ABHD16A: variants seen among roughly 807,000 people sequenced by gnomAD.
ABHD16A encodes the protein abhydrolase domain containing 16A, phospholipase, also known as phosphatidylserine lipase ABHD16A.
ABHD16A carries 47 observed loss-of-function variants against 89.8 expected under a neutral mutation model. The observed-to-expected ratio is 0.52, with a 90% CI of 0.41 to 0.67. The LOEUF (loss-of-function observed/expected upper bound fraction) is 0.67, where lower values mean the gene tolerates loss of function less well. Among genes scored for constraint, ABHD16A ranks in the 30% least tolerant of loss-of-function variants. The probability of loss-of-function intolerance (pLI) is 0.00; values close to 1 mark genes in which losing one functional copy is unlikely to be tolerated. For synonymous variants in ABHD16A, 251 were observed against 280.4 expected, an observed-to-expected ratio of 0.90 and a Z score of 1.05; for missense variants, 580 against 734.6, an observed-to-expected ratio of 0.79 and a Z score of 2.43.
At chr6:31,699,985 T>G (rs933687951) in intron 4 of ABHD16A, among the ~76,000 whole-genome samples, 2 of 152,066 alleles carry the variant, frequency 1.3e-5, no homozygotes, top group South Asian at 2.1e-4. Context: ...TGACCTCTGG[T>G]GATCTGCCTG....
At chr6:31,700,893 CCAGTGA>C (rs1804909928) in intron 4 of ABHD16A, 43 bp downstream of exon 4, 1 of 1,500,850 alleles carries the variant, frequency 6.7e-7, no homozygotes, top group Non-Finnish European at 9.3e-7. Flanking sequence ...TAATTTTTAA[CCAGTGA>C]CAGTGACAGA....
chr6:31,692,197 C>T (rs1230601004), intron 7 of ABHD16A: 5 of 377,674 alleles, frequency 1.3e-5, no homozygotes, highest in Non-Finnish European at 2.4e-5. Flanking sequence ...ATGTAACTGT[C>T]TATACATAAT....
Position 31,687,790 on chromosome 6 carries a change from C to T in ABHD16A, c.1447+34G>A, listed in dbSNP as rs1803448396. On this transcript the variant is annotated intron_variant, in intron 17 of 19. Transcript: ENST00000395952. This position sits in a 1 kb window ranked among gnomAD's most constrained non-coding sequence, Gnocchi z 6.3. ...CAGTCAGCAACCTGACCTTGCTGGG[C>T]CCCCGCCCCAAGCCTCACTGGATCC... The T allele has an allele frequency of 6.2e-7, 1 of 1,612,794 alleles. No homozygotes were observed. The highest frequency in any genetic ancestry group is 1.1e-5 in the South Asian group (1 of 91,076).
chr6:31,698,837 C>T lies in ABHD16A; in HGVS notation c.344-1804G>A, dbSNP rs1171386314. ...GGTCCTGGACCCAACTGCGACCATC[C>T]AGCCCTGACCCCACCACCCCCATGT... On this transcript the variant is annotated intron_variant, in intron 4 of 19. Transcript: ENST00000395952. The surrounding 1 kb of genome is among the most constrained non-coding windows in gnomAD (Gnocchi z 4.1). 1.3e-5 allele frequency among the ~76,000 whole-genome samples: 2 copies of T among 152,110 alleles called. No individual in the cohort carries two copies. The highest frequency in any genetic ancestry group is 6.5e-5 in the Admixed American group (1 of 15,276).
At position 31,696,963 on chromosome 6, in the gene ABHD16A, C is replaced by T. The variant is rs753131273; in HGVS notation, c.414G>A (p.Gln138=). ...ITILEATHRN[Q]SSENKRQLAN... ...GGCCTCTCACCTTGTTTTCTGAAGA[C>T]TGGTTCCGATGTGTTGCTTCCAAGA... The change falls in exon 5 of 20, where the codon CAG becomes CAA. Residue 138 remains glutamine, a synonymous_variant. Coordinates refer to ENST00000395952, the MANE Select transcript of ABHD16A (RefSeq NM_021160.3). 4 of 1,613,068 alleles carry T rather than the reference C, an allele frequency of 2.5e-6. No homozygotes were observed. The South Asian group carries it at 4.4e-5, about 18-fold the overall frequency.
Position 31,702,235 on chromosome 6 carries a change from T to C in ABHD16A, c.133-105A>G, listed in dbSNP as rs534304270. The C allele has an allele frequency of 4.8e-5, 55 of 1,135,448 alleles. No homozygotes were observed. In the African/African-American group the frequency reaches 5.4e-4, roughly 11 times the overall value. The allele number at this position is 1,135,448 out of a possible 1,614,324, so 70.3% of individuals were successfully genotyped here. A position where few individuals can be genotyped will look rare whatever the true frequency, so the allele number is the denominator to read the frequency against. On this transcript the variant is annotated intron_variant, in intron 1 of 19. Coordinates refer to ENST00000395952, the MANE Select transcript of ABHD16A (RefSeq NM_021160.3). ...GTCCTCTGGTTCTAGTCTCGTTGAC[T>C]ATCTCTCTTGAAACATCCCTGGCCC...
At position 31,688,709 on chromosome 6, in the gene ABHD16A, T is replaced by C. The variant is rs1176998066; in HGVS notation, c.1250+14A>G. The C allele has an allele frequency of 6.2e-7, 1 of 1,612,808 alleles. No homozygotes were observed. The highest frequency in any genetic ancestry group is 8.5e-7 in the Non-Finnish European group (1 of 1,179,902). ...GGGGCAGGTGTTCAATGCCGGACGC[T>C]GGCCGGCCCTCACCTGCACAGCTGC... On this transcript the variant is annotated intron_variant, in intron 14 of 19. Transcript: ENST00000395952. This position sits in a 1 kb window ranked among gnomAD's most constrained non-coding sequence, Gnocchi z 4.9.
intron 4 of ABHD16A, among the ~76,000 whole-genome samples, chr6:31,699,364 G>A (rs977854730): frequency 1.0e-4 from 14 of 140,580 alleles, no homozygotes; most frequent in Non-Finnish European, 1.8e-4. Context: ...AGCCGAGATC[G>A]CGCCACTGCA....
At chr6:31,702,629 C>T in intron 1 of ABHD16A, 1 of 1,510,876 alleles carries the variant, frequency 6.6e-7, no homozygotes, top group Non-Finnish European at 8.8e-7. Flanking sequence ...CGCCAGCTCT[C>T]CAGAATACAA....
In ABHD16A at chr6:31,689,580, C is replaced by CCAGT; in HGVS notation, c.1078_1081dup (p.Ala361AspfsTer13). ...GTGGGGGATGGGAGGGAGGCTGGTA[C>CCAGT]CAGTGAAGCCGCCGATGGACCAGGC... On this transcript the variant is annotated frameshift_variant and splice_region_variant. Transcript: ENST00000395952. LOFTEE classifies it high-confidence loss of function. 2 of 1,586,842 alleles carry CCAGT rather than the reference C, an allele frequency of 1.3e-6. No homozygotes were observed. Among genetic ancestry groups the CCAGT allele is most frequent in the Non-Finnish European group, 1.7e-6 (2 of 1,167,206 alleles).
chr6:31,697,161 G>A, intron 4 of ABHD16A, 128 bp from the exon 5 acceptor site: 1 of 809,808 alleles, frequency 1.2e-6, no homozygotes. Context: ...AAGGAACTGA[G>A]GGCATAGGAT....
At chr6:31,703,038 G>A in intron 1 of ABHD16A, 112 bp downstream of exon 1, 1 of 1,366,688 alleles carries the variant, frequency 7.3e-7, no homozygotes. Context: ...GCGGATAACT[G>A]GCTTGACAAG....
In ABHD16A at chr6:31,687,278, G is replaced by A. The variant is rs1187495965; in HGVS notation, c.1611C>T (p.His537=). The part of the protein sequence containing the change: ...LALFLARKHL[H]NFEATHCTPL... ...GGGTGCAGTGAGTGGCCTCAAAGTTGTGCAGATGCTTCCGAGCCTGAGGAA... is the reference window on the plus strand; with the variant it reads ...GGGTGCAGTGAGTGGCCTCAAAGTTATGCAGATGCTTCCGAGCCTGAGGAA... The change falls in exon 20 of 20, where the codon CAC becomes CAT. Residue 537 remains histidine, a synonymous_variant. Coordinates refer to ENST00000395952, the MANE Select transcript of ABHD16A (RefSeq NM_021160.3). The surrounding 1 kb of genome is among the most constrained non-coding windows in gnomAD (Gnocchi z 6.3). The A allele has an allele frequency of 1.9e-6, 3 of 1,612,990 alleles. No homozygotes were observed. The South Asian group carries it at 3.3e-5, about 18-fold the overall frequency.
At chr6:31,695,399 G>T (rs761654307) in intron 5 of ABHD16A, among the ~76,000 whole-genome samples, 1 of 152,204 alleles carries the variant, frequency 6.6e-6, no homozygotes, top group Non-Finnish European at 1.5e-5. Flanking sequence ...ATAGAACTGA[G>T]CTGCTGTGAT....
In ABHD16A at chr6:31,698,409, A is replaced by T. The variant is rs1218722043; in HGVS notation, c.344-1376T>A. 6.6e-6 allele frequency among the ~76,000 whole-genome samples: 1 copy of T among 150,994 alleles called. No homozygotes were observed. Among genetic ancestry groups the T allele is most frequent in the Non-Finnish European group, 1.5e-5 (1 of 67,778 alleles). On this transcript the variant is annotated intron_variant, in intron 4 of 19. Coordinates refer to ENST00000395952, the MANE Select transcript of ABHD16A (RefSeq NM_021160.3). The surrounding 1 kb of genome is among the most constrained non-coding windows in gnomAD (Gnocchi z 4.1). The stretch of plus-strand genomic sequence containing the variant: ...AGCAAATATCACAAAACTATATATA[A>T]AAAAAAAATCACAAAACTATACATC...
chr6:31,691,385 T>C, intron 9 of ABHD16A, 194 bp downstream of exon 9: 1 of 572,866 alleles, frequency 1.7e-6, no homozygotes. Flanking sequence ...TTCTCGTCCT[T>C]GAACGTCTCT....
In ABHD16A at chr6:31,703,132, G is replaced by C. The variant is rs1397512003; in HGVS notation, c.132+18C>G. 1 of 1,415,872 alleles carries C rather than the reference G, an allele frequency of 7.1e-7. No homozygotes were observed. Among genetic ancestry groups the C allele is most frequent in the Non-Finnish European group, 9.3e-7 (1 of 1,077,012 alleles). The allele number at this position is 1,415,872 out of a possible 1,614,324, so 87.7% of individuals were successfully genotyped here. On this transcript the variant is annotated intron_variant, in intron 1 of 19. Coordinates refer to ENST00000395952, the MANE Select transcript of ABHD16A (RefSeq NM_021160.3). Reference sequence around the variant, plus strand: ...TTGGACTGTACCACGTTCTTCGGTGGGGAGGAACTCGACTCACCCAGGAGC... The same window carrying C: ...TTGGACTGTACCACGTTCTTCGGTGCGGAGGAACTCGACTCACCCAGGAGC...
In ABHD16A at chr6:31,693,563, A is replaced by G. The variant is rs1804115427; in HGVS notation, c.430-131T>C. 4 of 789,250 alleles carry G rather than the reference A, an allele frequency of 5.1e-6. No homozygotes were observed. The highest frequency in any genetic ancestry group is 8.3e-6 in the Non-Finnish European group (4 of 481,618). 48.9% of individuals were successfully genotyped at this position (789,250 alleles called of 1,614,324 possible). A position where few individuals can be genotyped will look rare whatever the true frequency, so the allele number is the denominator to read the frequency against. ...ATGGGGAAACCAAGCGGAGGTCAAT[A>G]CCCTCCCAATTCTCAGATGGAAAAT... On this transcript the variant is annotated intron_variant, in intron 5 of 19. Coordinates refer to ENST00000395952, the MANE Select transcript of ABHD16A (RefSeq NM_021160.3). This position sits in a 1 kb window ranked among gnomAD's most constrained non-coding sequence, Gnocchi z 5.0.
chr6:31,697,078 C>T (rs752190305), intron 4 of ABHD16A, 45 bp from the exon 5 acceptor site: 2 of 1,553,134 alleles, frequency 1.3e-6, no homozygotes, highest in South Asian at 2.2e-5. Flanking sequence ...AACTGGGAAG[C>T]AGAAAGCCTA....
Sources: gnomAD v4.1 joint callset for allele counts (sites outside exome capture counted in the v4.1 genomes callset) on GRCh38, gnomAD v4.1.1 for gene constraint, Gnocchi (gnomAD v3.1) non-coding constraint, MANE v1.5 for transcripts, NCBI Gene and HGNC (gene_info 2026-07-23, HGNC 2026-07-21) for gene names.